PCED1B: variants seen among roughly 807,000 people sequenced by gnomAD.
PCED1B encodes PC-esterase domain-containing protein 1B.
For synonymous variants in PCED1B, 251 were observed against 246.1 expected (o/e 1.02, Z -0.19); for missense variants, 573 against 573.9 (o/e 1.00, Z 0.02).
At chr12:47,107,094 T>C (rs1305846511) in intron 2 of PCED1B, among the ~76,000 whole-genome samples, 1 of 152,202 alleles carries the variant, frequency 6.6e-6, no homozygotes, top group African/African-American at 2.4e-5. Context: ...TTGAAGCAAT[T>C]CTTCATGATA....
At chr12:47,143,887 G>T (rs185051519) in intron 2 of PCED1B, among the ~76,000 whole-genome samples, 2 of 152,164 alleles carry the variant, frequency 1.3e-5, no homozygotes, top group East Asian at 3.9e-4. Flanking sequence ...ACAGAATAGA[G>T]AGCCCAGAAA....
At chr12:47,188,503 A>T (rs1942345221) in intron 2 of PCED1B, among the ~76,000 whole-genome samples, 1 of 152,206 alleles carries the variant, frequency 6.6e-6, no homozygotes, top group Non-Finnish European at 1.5e-5. Context: ...CTAATGTGTA[A>T]CTTTTGCTTT....
intron 1 of PCED1B, among the ~76,000 whole-genome samples, chr12:47,082,309 A>G (rs1358011942): frequency 6.6e-6 from 1 of 152,218 alleles, no homozygotes; most frequent in African/African-American, 2.4e-5. Context: ...ACCTATTCAA[A>G]GTGGTTAAGA....
At chr12:47,187,291 T>TA (rs1236683905) in intron 2 of PCED1B, among the ~76,000 whole-genome samples, 1 of 152,140 alleles carries the variant, frequency 6.6e-6, no homozygotes, top group Non-Finnish European at 1.5e-5. Context: ...CATGGGATCT[T>TA]ACCTAAAACC....
intron 2 of PCED1B, among the ~76,000 whole-genome samples, chr12:47,112,471 C>A (rs943138092): frequency 4.6e-5 from 7 of 152,156 alleles, no homozygotes; most frequent in African/African-American, 7.2e-5. Flanking sequence ...CTCCATATTC[C>A]ATGATGTTAG....
chr12:47,102,148 G>C (rs1404954766), intron 1 of PCED1B, among the ~76,000 whole-genome samples: 1 of 152,070 alleles, frequency 6.6e-6, no homozygotes, highest in African/African-American at 2.4e-5. Flanking sequence ...TAAAACACAT[G>C]GCCTACCAAA....
At chr12:47,081,825 T>C (rs1937740235) in intron 1 of PCED1B, among the ~76,000 whole-genome samples, 1 of 152,160 alleles carries the variant, frequency 6.6e-6, no homozygotes, top group South Asian at 2.1e-4. Context: ...CTGTATTTAA[T>C]GCAAAAATAG....
intron 2 of PCED1B, among the ~76,000 whole-genome samples, chr12:47,170,119 A>G (rs1395259477): frequency 6.6e-6 from 1 of 152,080 alleles, no homozygotes; most frequent in Non-Finnish European, 1.5e-5. Flanking sequence ...TGCTGCCTTC[A>G]AGCATCTGTT....
chr12:47,133,653 A>G (rs1030690905), intron 2 of PCED1B, among the ~76,000 whole-genome samples: 3 of 152,230 alleles, frequency 2.0e-5, no homozygotes, highest in African/African-American at 7.2e-5. Flanking sequence ...TCACAGTATG[A>G]GCAAAAATTA....
intron 1 of PCED1B, among the ~76,000 whole-genome samples, chr12:47,088,331 G>A (rs557873604): frequency 1.3e-5 from 2 of 152,246 alleles, no homozygotes; most frequent in South Asian, 4.1e-4. Flanking sequence ...CCCCGAGCCT[G>A]GCTGTACCAG....
chr12:47,087,034 A>G (rs1215285877), intron 1 of PCED1B, among the ~76,000 whole-genome samples: 2 of 152,256 alleles, frequency 1.3e-5, no homozygotes, highest in Admixed American at 6.5e-5. Flanking sequence ...TCTCCATTAT[A>G]CAGTCAGCAC....
Position 47,221,571 on chromosome 12 carries a change from A to G in PCED1B, c.-58+4882A>G, listed in dbSNP as rs193024818. On this transcript the variant is annotated intron_variant, in intron 3 of 3. Coordinates refer to ENST00000546455, the MANE Select transcript of PCED1B (RefSeq NM_138371.3). ...AAACCAGTCATCAAAAATAAAAATGACTTTATCCACACATTTCAGAAGCAA... is the reference window on the plus strand; with the variant it reads ...AAACCAGTCATCAAAAATAAAAATGGCTTTATCCACACATTTCAGAAGCAA... 7.2e-5 allele frequency among the ~76,000 whole-genome samples: 11 copies of G among 152,328 alleles called. No individual in the cohort carries two copies. In the East Asian group the frequency reaches 2.1e-3, roughly 29 times the overall value.
intron 2 of PCED1B, among the ~76,000 whole-genome samples, chr12:47,121,787 C>G (rs1360485154): frequency 1.3e-5 from 2 of 151,998 alleles, no homozygotes; most frequent in Non-Finnish European, 2.9e-5. Context: ...AATCCCAACA[C>G]TTTGGAAGGC....
intron 2 of PCED1B, chr12:47,135,948 C>CAAA: frequency 1.1e-5 from 1 of 90,500 alleles, no homozygotes. Context: ...GGATGGTTCT[C>CAAA]CAAAAAAAAA....
intron 2 of PCED1B, among the ~76,000 whole-genome samples, chr12:47,155,441 G>C (rs1283256704): frequency 6.6e-6 from 1 of 152,202 alleles, no homozygotes; most frequent in Non-Finnish European, 1.5e-5. Flanking sequence ...TAAATCAAGG[G>C]TTCCAAACTT....
intron 3 of PCED1B, among the ~76,000 whole-genome samples, chr12:47,219,415 G>A (rs996767744): frequency 6.6e-6 from 1 of 152,160 alleles, no homozygotes; most frequent in Admixed American, 6.5e-5. Flanking sequence ...TGAGTAAATG[G>A]ACTTTTGTAG....
chr12:47,123,836 A>T (rs1026957852), intron 2 of PCED1B, among the ~76,000 whole-genome samples: 4 of 152,016 alleles, frequency 2.6e-5, no homozygotes, highest in African/African-American at 9.7e-5. Flanking sequence ...TTTTCGTTGT[A>T]ACTTGGCCTT....
Position 47,091,034 on chromosome 12 carries a change from A to G in PCED1B, c.-609+11309A>G, listed in dbSNP as rs527880329. Among the ~76,000 whole-genome samples, 52 of 152,138 alleles carry G rather than the reference A, an allele frequency of 3.4e-4. No individual in the cohort carries two copies. In the South Asian group the frequency reaches 0.011, roughly 31 times the overall value. On this transcript the variant is annotated intron_variant, in intron 1 of 3. Coordinates refer to ENST00000546455, the MANE Select transcript of PCED1B (RefSeq NM_138371.3). ...TCTAATTCTTTTGGTGAACATGTGCATACATTTCTAGTAGGTGTATGCCTT... is the reference window on the plus strand; with the variant it reads ...TCTAATTCTTTTGGTGAACATGTGCGTACATTTCTAGTAGGTGTATGCCTT...
At chr12:47,180,157 C>T (rs143434294) in intron 2 of PCED1B, among the ~76,000 whole-genome samples, 557 of 152,288 alleles carry the variant, frequency 3.7e-3, no homozygotes, top group African/African-American at 0.012. Context: ...GTGTTCTCAT[C>T]GTTCACCTCC....
Sources: gnomAD v4.1 joint callset for allele counts (sites outside exome capture counted in the v4.1 genomes callset) on GRCh38, gnomAD v4.1.1 for gene constraint, MANE v1.5 for transcripts, NCBI Gene and HGNC (gene_info 2026-07-23, HGNC 2026-07-21) for gene names.